Variants in NTM observed in about 807,000 individuals in gnomAD.
The protein encoded by NTM is neurotrimin, also known as IgLON family member 2.
NTM carries 13 observed loss-of-function variants against 42.1 expected under a neutral mutation model. That is an observed-to-expected ratio of 0.31 (90% CI 0.20 to 0.49). The LOEUF (loss-of-function observed/expected upper bound fraction) is 0.49. NTM is among the 20% of genes least tolerant of loss of function. NTM has a pLI of 0.99. For missense variants in NTM, 373 were observed against 452.8 expected, an observed-to-expected ratio of 0.82 and a Z score of 1.60; for synonymous variants, 187 against 179.2, an observed-to-expected ratio of 1.04 and a Z score of -0.35.
intron 1 of NTM, among the ~76,000 whole-genome samples, chr11:131,640,203 C>T (rs2064964534): frequency 6.6e-6 from 1 of 152,062 alleles, no homozygotes; most frequent in Non-Finnish European, 1.5e-5. Context: ...TTTCCTTAAG[C>T]CTAAGCAAAG....
chr11:131,529,762 C>A (rs1205135970), intron 1 of NTM, among the ~76,000 whole-genome samples: 1 of 152,160 alleles, frequency 6.6e-6, no homozygotes, highest in African/African-American at 2.4e-5. Context: ...CCCTTAGATA[C>A]CTCCCCTGTA....
intron 1 of NTM, among the ~76,000 whole-genome samples, chr11:131,428,975 A>G (rs1299905951): frequency 6.6e-6 from 1 of 151,952 alleles, no homozygotes; most frequent in Non-Finnish European, 1.5e-5. Context: ...GAATTGTTCG[A>G]ACCCAGGAGG....
intron 2 of NTM, among the ~76,000 whole-genome samples, chr11:132,116,080 C>T (rs777470066): frequency 4.6e-5 from 7 of 152,134 alleles, no homozygotes; most frequent in African/African-American, 1.2e-4. Context: ...GATTAGGCAC[C>T]GTATCAGTCA....
chr11:131,545,478 A>G (rs2053807097), intron 1 of NTM, among the ~76,000 whole-genome samples: 1 of 152,098 alleles, frequency 6.6e-6, no homozygotes, highest in Non-Finnish European at 1.5e-5. Context: ...ATCCAGATGT[A>G]TGGATTTATT....
intron 1 of NTM, chr11:131,536,849 A>G: frequency 6.6e-6 from 1 of 152,386 alleles, no homozygotes; most frequent in East Asian, 1.9e-4. Flanking sequence ...AATGTACAAG[A>G]TTTGCGTAGG....
At chr11:132,025,695 C>A (rs182751663) in intron 2 of NTM, among the ~76,000 whole-genome samples, 3 of 152,294 alleles carry the variant, frequency 2.0e-5, no homozygotes, top group Admixed American at 2.0e-4. Flanking sequence ...CAGATTCAGA[C>A]CGAATTGGCC....
chr11:131,864,104 T>A (rs1020182593), intron 1 of NTM, among the ~76,000 whole-genome samples: 1 of 152,010 alleles, frequency 6.6e-6, no homozygotes, highest in Admixed American at 6.6e-5. Flanking sequence ...GGGAGTTAGA[T>A]CAGTCAATCA....
intron 2 of NTM, among the ~76,000 whole-genome samples, chr11:131,977,186 G>T (rs538486363): frequency 2.6e-5 from 4 of 151,970 alleles, no homozygotes; most frequent in African/African-American, 9.6e-5. Context: ...GTGCCATTTG[G>T]TAAAGTTGGG....
intron 2 of NTM, among the ~76,000 whole-genome samples, chr11:132,118,390 A>C (rs980149941): frequency 6.6e-6 from 1 of 152,236 alleles, no homozygotes; most frequent in African/African-American, 2.4e-5. Context: ...ATTGAGGCTG[A>C]GAAAAAGCTG....
intron 1 of NTM, among the ~76,000 whole-genome samples, chr11:131,563,451 C>T (rs2056479493): frequency 6.6e-6 from 1 of 152,190 alleles, no homozygotes; most frequent in Non-Finnish European, 1.5e-5. Context: ...GGCATCTTCT[C>T]TACAAGGCTC....
At chr11:132,160,631 C>T (rs559955820) in intron 3 of NTM, among the ~76,000 whole-genome samples, 3 of 152,338 alleles carry the variant, frequency 2.0e-5, no homozygotes, top group African/African-American at 7.2e-5. Flanking sequence ...AAGTCAGTAA[C>T]TCCTTTTAAC....
intron 1 of NTM, among the ~76,000 whole-genome samples, chr11:131,803,287 G>A (rs1041969069): frequency 4.0e-5 from 6 of 150,640 alleles, no homozygotes; most frequent in East Asian, 1.9e-4. Flanking sequence ...TGTCACTAAC[G>A]TATTTTGGGA....
intron 1 of NTM, among the ~76,000 whole-genome samples, chr11:131,406,266 G>A (rs1490302097): frequency 1.3e-5 from 2 of 152,142 alleles, no homozygotes; most frequent in African/African-American, 4.8e-5. Context: ...GAATGTAAGA[G>A]CATCATCCCT....
At chr11:131,998,025 C>T (rs912851864) in intron 2 of NTM, among the ~76,000 whole-genome samples, 34 of 152,038 alleles carry the variant, frequency 2.2e-4, no homozygotes, top group Non-Finnish European at 4.3e-4. Flanking sequence ...CAAGGCAACC[C>T]CTCCCACCCC....
At chr11:131,593,435 G>T (rs1387426109) in intron 1 of NTM, among the ~76,000 whole-genome samples, 1 of 152,174 alleles carries the variant, frequency 6.6e-6, no homozygotes, top group Non-Finnish European at 1.5e-5. Context: ...GTCAGGCAGG[G>T]GACTGAGCCT....
chr11:132,293,100 A>C (rs754499912), intron 4 of NTM, among the ~76,000 whole-genome samples: 1 of 152,166 alleles, frequency 6.6e-6, no homozygotes, highest in Non-Finnish European at 1.5e-5. Flanking sequence ...GAATAGTGGT[A>C]GGAGTGAGGA....
At chr11:132,233,342 C>G (rs2088041751) in intron 4 of NTM, among the ~76,000 whole-genome samples, 2 of 152,158 alleles carry the variant, frequency 1.3e-5, no homozygotes, top group Non-Finnish European at 2.9e-5. Context: ...ATCAGTTGAA[C>G]CTGGGAGGCA....
intron 2 of NTM, among the ~76,000 whole-genome samples, chr11:132,024,623 T>C (rs1439249076): frequency 2.0e-5 from 3 of 152,166 alleles, no homozygotes; most frequent in Admixed American, 2.0e-4. Context: ...AGGGCAAATG[T>C]GGGACTGGCT....
chr11:131,922,699 G>C (rs1047942310), intron 2 of NTM, among the ~76,000 whole-genome samples: 7 of 152,122 alleles, frequency 4.6e-5, no homozygotes, highest in African/African-American at 1.7e-4. Context: ...TGGTCTCCTT[G>C]TTTCTACTCC....
Sources: gnomAD v4.1 joint callset for allele counts (sites outside exome capture counted in the v4.1 genomes callset) on GRCh38, gnomAD v4.1.1 for gene constraint, MANE v1.5 for transcripts, NCBI Gene and HGNC (gene_info 2026-07-23, HGNC 2026-07-21) for gene names.